The following SLC2A9 variants were observed in gnomAD, a reference collection of about 807,000 sequenced individuals.
SLC2A9 encodes the protein solute carrier family 2, facilitated glucose transporter member 9.
Under a neutral mutation model 50.6 loss-of-function variants are expected in SLC2A9, and 39 were observed. The ratio of observed to expected loss-of-function variants is 0.77; its 90% CI spans 0.60 to 1.01. The LOEUF is 1.01. SLC2A9 is among the 50% of genes least tolerant of loss of function. The pLI, the probability that SLC2A9 is intolerant of heterozygous loss-of-function variation, is 0.00. For synonymous variants in SLC2A9, 324 were observed against 276.9 expected (o/e 1.17, Z -1.69); for missense variants, 686 against 677.6 (o/e 1.01, Z -0.14).
chr4:9,955,955 G>C (rs1235553827), intron 5 of SLC2A9, among the ~76,000 whole-genome samples: 1 of 128,006 alleles, frequency 7.8e-6, no homozygotes, highest in African/African-American at 3.1e-5. Context: ...TTGGCTCACT[G>C]CAACCTCTGC....
intron 1 of SLC2A9, among the ~76,000 whole-genome samples, chr4:10,020,030 A>G (rs1479307418): frequency 2.3e-5 from 3 of 130,988 alleles, no homozygotes; most frequent in Admixed American, 7.8e-5. Flanking sequence ...ATCATTTGAC[A>G]TATTTGTGAG....
intron 7 of SLC2A9, among the ~76,000 whole-genome samples, chr4:9,913,378 A>G (rs1411910173): frequency 6.6e-6 from 1 of 151,282 alleles, no homozygotes; most frequent in African/African-American, 2.4e-5. Context: ...AGAAACAGAT[A>G]GAGAGAGATA....
intron 2 of SLC2A9, among the ~76,000 whole-genome samples, chr4:10,013,314 C>T (rs1275233887): frequency 6.6e-6 from 1 of 152,200 alleles, no homozygotes. Flanking sequence ...ACCAAGCTGG[C>T]CAAGGACCCT....
chr4:9,985,620 C>T (rs776589959), intron 4 of SLC2A9, 49 bp downstream of exon 4: 1 of 1,611,996 alleles, frequency 6.2e-7, no homozygotes, highest in Non-Finnish European at 8.5e-7. Context: ...TTTTGGGACA[C>T]CCCCAAGGAG....
At chr4:9,929,393 A>G (rs1745490441) in intron 6 of SLC2A9, among the ~76,000 whole-genome samples, 2 of 152,250 alleles carry the variant, frequency 1.3e-5, no homozygotes, top group South Asian at 4.1e-4. Context: ...TGAGCAGCAC[A>G]TGGAATACCT....
In SLC2A9 at chr4:9,953,826, T is replaced by C. The variant is rs989578521; in HGVS notation, c.682-11781A>G. The stretch of plus-strand genomic sequence containing the variant: ...TTGTTTGTTTGTTTGCTTGTTTGTT[T>C]GAGATGGAGTTTTGCTTTTGTTGCC... On this transcript the variant is annotated intron_variant, in intron 5 of 11. Transcript: ENST00000264784. Among the ~76,000 whole-genome samples the C allele has an allele frequency of 3.9e-4, 59 of 152,062 alleles. 1 individual carries two copies. The highest frequency in any genetic ancestry group is 2.5e-4 in the Non-Finnish European group (17 of 68,018).
At chr4:9,966,755 C>T (rs1244941626) in intron 5 of SLC2A9, among the ~76,000 whole-genome samples, 1 of 152,194 alleles carries the variant, frequency 6.6e-6, no homozygotes, top group Non-Finnish European at 1.5e-5. Context: ...ATTATTAAAA[C>T]ATGGTGTAAT....
intron 8 of SLC2A9, among the ~76,000 whole-genome samples, chr4:9,897,140 C>T (rs55962381): frequency 0.13 from 19,814 of 152,168 alleles, 1,389 homozygotes; most frequent in African/African-American, 0.15. Context: ...CTAGGCACTC[C>T]GGCTCCAGAG....
At chr4:9,806,516 T>C (rs1041128092) in intron 3 of SLC2A9, among the ~76,000 whole-genome samples, 3 of 152,228 alleles carry the variant, frequency 2.0e-5, no homozygotes, top group African/African-American at 7.2e-5. Flanking sequence ...GTGAAACCCC[T>C]GATTTCCCAC....
intron 3 of SLC2A9, among the ~76,000 whole-genome samples, chr4:9,990,443 G>A (rs1757498241): frequency 6.6e-6 from 1 of 152,084 alleles, no homozygotes; most frequent in Non-Finnish European, 1.5e-5. Context: ...GAAGAGACGG[G>A]AACATAATGA....
At chr4:9,999,650 G>A (rs1759414225) in intron 2 of SLC2A9, among the ~76,000 whole-genome samples, 1 of 152,166 alleles carries the variant, frequency 6.6e-6, no homozygotes, top group Non-Finnish European at 1.5e-5. Flanking sequence ...GAAAGGGCAG[G>A]TCATGTGGGC....
At chr4:9,942,166 G>A in intron 5 of SLC2A9, 121 bp from the exon 6 acceptor site, 4 of 1,242,510 alleles carry the variant, frequency 3.2e-6, no homozygotes, top group Non-Finnish European at 4.7e-6. Flanking sequence ...TGATCCCCAG[G>A]AACAAAGGCT....
chr4:9,836,977 A>C (rs1187834744), intron 10 of SLC2A9, among the ~76,000 whole-genome samples: 1 of 152,210 alleles, frequency 6.6e-6, no homozygotes, highest in Non-Finnish European at 1.5e-5. Flanking sequence ...AAAGCCACAA[A>C]GCCAAGGCCA....
chr4:9,862,171 C>A (rs1212947059), intron 10 of SLC2A9, among the ~76,000 whole-genome samples: 5 of 152,062 alleles, frequency 3.3e-5, no homozygotes, highest in Non-Finnish European at 7.4e-5. Context: ...CTGCTCCCAC[C>A]CTCTTCTGCC....
chr4:9,976,601 C>A (rs747056414), intron 5 of SLC2A9, among the ~76,000 whole-genome samples: 2 of 152,222 alleles, frequency 1.3e-5, no homozygotes, highest in East Asian at 3.8e-4. Flanking sequence ...GGTTCCTCAC[C>A]CATCTTCCTG....
chr4:10,019,474 G>T (rs1480612453), intron 1 of SLC2A9, among the ~76,000 whole-genome samples: 1 of 152,226 alleles, frequency 6.6e-6, no homozygotes, highest in Non-Finnish European at 1.5e-5. Context: ...ACTTTTCTGC[G>T]CATTGTCTCT....
chr4:10,032,476 G>A (rs185639936), intron 1 of SLC2A9, among the ~76,000 whole-genome samples: 1 of 152,230 alleles, frequency 6.6e-6, no homozygotes, highest in Admixed American at 6.5e-5. Context: ...TTTGGGCAAG[G>A]GGGTTGGAGG....
intron 5 of SLC2A9, among the ~76,000 whole-genome samples, chr4:9,947,893 A>C (rs1445922842): frequency 6.6e-6 from 1 of 152,080 alleles, no homozygotes; most frequent in East Asian, 1.9e-4. Context: ...CTGCCTCCTG[A>C]CTGACCCAGT....
At chr4:9,849,339 G>A (rs1256849274) in intron 10 of SLC2A9, among the ~76,000 whole-genome samples, 1 of 152,180 alleles carries the variant, frequency 6.6e-6, no homozygotes, top group Non-Finnish European at 1.5e-5. Flanking sequence ...GAAACAAAAG[G>A]GAAGTTGTTT....
Sources: gnomAD v4.1 joint callset for allele counts (sites outside exome capture counted in the v4.1 genomes callset) on GRCh38, gnomAD v4.1.1 for gene constraint, MANE v1.5 for transcripts, NCBI Gene and HGNC (gene_info 2026-07-23, HGNC 2026-07-21) for gene names.